Variants in PIEZO1 observed in about 807,000 individuals in gnomAD.
PIEZO1 encodes the protein piezo-type mechanosensitive ion channel component 1.
A neutral mutation model predicts 297.2 loss-of-function variants in PIEZO1; 296 were observed. The observed-to-expected ratio is 1.00, with a 90% CI of 0.91 to 1.10. PIEZO1 has a LOEUF of 1.10. PIEZO1 is among the 50% of genes least tolerant of loss of function. The probability of loss-of-function intolerance (pLI) is 0.00; values close to 1 mark genes in which losing one functional copy is unlikely to be tolerated. For synonymous variants in PIEZO1, 2,427 were observed against 1,507.5 expected, an observed-to-expected ratio of 1.61 and a Z score of -14.13; for missense variants, 5,018 against 3,455.5, an observed-to-expected ratio of 1.45 and a Z score of -11.34.
At chr16:88,742,163 G>T in intron 3 of PIEZO1, 68 bp from the exon 4 acceptor site, 1 of 1,525,338 alleles carries the variant, frequency 6.6e-7, no homozygotes, top group Non-Finnish European at 8.8e-7. Context: ...GGTCATCCCT[G>T]GAGCGTTTCA....
chr16:88,779,455 G>A (rs565314170), intron 1 of PIEZO1, among the ~76,000 whole-genome samples: 4 of 152,266 alleles, frequency 2.6e-5, no homozygotes, highest in East Asian at 1.9e-4. Context: ...ATGACCGTGC[G>A]GGGCCCCCAA....
chr16:88,738,672 G>A lies in PIEZO1; in HGVS notation c.530C>T (p.Ala177Val), dbSNP rs998013737. 6 of 1,535,404 alleles carry A rather than the reference G, an allele frequency of 3.9e-6. No individual in the cohort carries two copies. The highest frequency in any genetic ancestry group is 3.5e-6 in the Non-Finnish European group (4 of 1,146,494). The change falls in exon 6 of 51, where the codon GCC becomes GTC. Residue 177 changes from alanine (A) to valine (V), a missense_variant. Ala to Val is a moderately conservative substitution (Grantham distance 64, BLOSUM62 0). Coordinates refer to ENST00000301015, the MANE Select transcript of PIEZO1 (RefSeq NM_001142864.4). Reference protein sequence around the residue: ...TAGLQEAATLAPTRRSRLAAR... With the variant: ...TAGLQEAATLVPTRRSRLAAR... ...GGCCAGCCGTGACCTCCGTGTAGGG[G>A]CCAGCGTTGCTGCTTCCTGCAGCCC...
chr16:88,721,227 G>T lies in PIEZO1; in HGVS notation c.5607C>A (p.Ile1869=). The T allele has an allele frequency of 6.5e-7, 1 of 1,539,198 alleles. No homozygotes were observed. ...VELRPRDTRR[I]SLRFRRRKKE... is the part of the protein sequence containing the mutation. ...TCTTCCTTCTTCTAAAACGTAGACT[G>T]ATGCGCCTCGTATCACGGGGCCTGA... Residue 1869 remains isoleucine (I), a synonymous_variant, in exon 39 of 51, where the codon ATC becomes ATA. Coordinates refer to ENST00000301015, the MANE Select transcript of PIEZO1 (RefSeq NM_001142864.4).
At chr16:88,725,365 A>G in intron 29 of PIEZO1, 51 bp downstream of exon 29, 10 of 1,115,776 alleles carry the variant, frequency 9.0e-6, no homozygotes, top group Non-Finnish European at 1.2e-5. Flanking sequence ...GCCAGCAGGC[A>G]CAGACATGCT....
chr16:88,749,067 C>G (rs1264858869), intron 2 of PIEZO1, among the ~76,000 whole-genome samples: 3 of 151,502 alleles, frequency 2.0e-5, no homozygotes, highest in Non-Finnish European at 4.4e-5. Flanking sequence ...GAAACCCCGT[C>G]TCTACTAAAA....
intron 22 of PIEZO1, among the ~76,000 whole-genome samples, chr16:88,729,426 T>C (rs865989276): frequency 6.2e-3 from 694 of 112,022 alleles, no homozygotes; most frequent in African/African-American, 0.02. Context: ...CCCTCGATGT[T>C]GGGGAACCCA....
In PIEZO1 at chr16:88,726,565, C is replaced by T. The variant is rs776788949; in HGVS notation, c.3778G>A (p.Val1260Ile). 282 of 1,549,860 alleles carry T rather than the reference C, an allele frequency of 1.8e-4. 1 individual carries two copies. Among genetic ancestry groups the T allele is most frequent in the African/African-American group, 3.0e-4 (22 of 73,008 alleles). The change falls in exon 26 of 51, where the codon GTC becomes ATC. Residue 1260 changes from valine to isoleucine, a missense_variant. Val to Ile is a conservative substitution (Grantham distance 29, BLOSUM62 3). Coordinates refer to ENST00000301015, the MANE Select transcript of PIEZO1 (RefSeq NM_001142864.4). The part of the protein sequence containing the change: ...VIQLFSLVCT[V>I]KGYYDPKEMM... ...CACTCACGGTCATAGTAGCCCTTGA[C>T]GGTGCATACAAGGCTGAAGAGCTGG...
Position 88,749,393 on chromosome 16 carries a change from C to G in PIEZO1, c.151G>C (p.Gly51Arg). ...LPWFPGPTRC[G>R]LQGHTGRLLR... ...GGTCCCCTGGCCTTACCTTGGAGGC[C>G]GCATCGGGTGGGGCCGGGGAACCAG... The change falls in exon 2 of 51, where the codon GGC (glycine) becomes CGC (arginine). Residue 51 changes from glycine (G) to arginine (R), a missense_variant. Physicochemically the swap from Gly to Arg is moderately radical, Grantham distance 125 (BLOSUM62 -2). Transcript: ENST00000301015. 6.6e-7 allele frequency: 1 copy of G among 1,507,300 alleles called. No homozygotes were observed. Among genetic ancestry groups the G allele is most frequent in the Non-Finnish European group, 8.8e-7 (1 of 1,135,374 alleles). 93.4% of individuals were successfully genotyped at this position (1,507,300 alleles called of 1,614,324 possible).
intron 1 of PIEZO1, among the ~76,000 whole-genome samples, chr16:88,778,042 C>T (rs759385911): frequency 1.3e-5 from 2 of 152,216 alleles, no homozygotes; most frequent in Admixed American, 6.5e-5. Flanking sequence ...CTGTTTAAGT[C>T]ACAGTTGAGT....
intron 1 of PIEZO1, among the ~76,000 whole-genome samples, chr16:88,775,704 G>T (rs1427487657): frequency 6.7e-6 from 1 of 149,750 alleles, no homozygotes; most frequent in Non-Finnish European, 1.5e-5. Context: ...ACTACAGCCT[G>T]GGTGGCAGAA....
At chr16:88,742,691 G>T (rs1245808484) in intron 2 of PIEZO1, 4 of 482,596 alleles carry the variant, frequency 8.3e-6, no homozygotes, top group Middle Eastern at 5.5e-4. Flanking sequence ...GGCCTCCCAG[G>T]CTCAGAGGAA....
At chr16:88,743,424 C>G in intron 2 of PIEZO1, 1 of 437,454 alleles carries the variant, frequency 2.3e-6, no homozygotes, top group Non-Finnish European at 4.7e-6. Flanking sequence ...CCACCAGCCA[C>G]GCCCGGCCAC....
In PIEZO1 at chr16:88,722,376, T is replaced by G; in HGVS notation, c.4797A>C (p.Pro1599=). 1 of 1,516,328 alleles carries G rather than the reference T, an allele frequency of 6.6e-7. No individual in the cohort carries two copies. Among genetic ancestry groups the G allele is most frequent in the Non-Finnish European group, 8.9e-7 (1 of 1,128,652 alleles). 93.9% of individuals were successfully genotyped at this position (1,516,328 alleles called of 1,614,324 possible). A position where few individuals can be genotyped will look rare whatever the true frequency, so the allele number is the denominator to read the frequency against. ...CCATGTCGTCTGTCATGCTGCTGAGTGGCTCCTCCGCGCCCAGCCCACTGG... is the reference window on the plus strand; with the variant it reads ...CCATGTCGTCTGTCATGCTGCTGAGGGGCTCCTCCGCGCCCAGCCCACTGG... ...TVSSGLGAEE[P]LSSMTDDMGS... is the part of the protein sequence containing the mutation. Residue 1599 remains proline, a synonymous_variant, in exon 36 of 51, where the codon CCA becomes CCC. Coordinates refer to ENST00000301015, the MANE Select transcript of PIEZO1 (RefSeq NM_001142864.4).
Position 88,719,607 on chromosome 16 carries a change from G to C in PIEZO1, c.6438C>G (p.Ile2146Met). 18 of 1,551,758 alleles carry C rather than the reference G, an allele frequency of 1.2e-5. No individual in the cohort carries two copies. Among genetic ancestry groups the C allele is most frequent in the Non-Finnish European group, 1.5e-5 (17 of 1,147,548 alleles). The change falls in exon 44 of 51, where the codon ATC becomes ATG. Residue 2146 changes from isoleucine (I) to methionine (M), a missense_variant. Physicochemically the swap from Ile to Met is conservative, Grantham distance 10 (BLOSUM62 1). Transcript: ENST00000301015. ...WMCVEDIYANIFIIKCSRETE... is the reference protein window; with the variant it reads ...WMCVEDIYANMFIIKCSRETE... ...TCTCTCGGCTGCATTTGATGATGAA[G>C]ATGTTGGCATAGATGTCCTCCACAC...
At chr16:88,724,907 G>C (rs1904322543) in intron 30 of PIEZO1, 102 bp downstream of exon 30, 1 of 750,438 alleles carries the variant, frequency 1.3e-6, no homozygotes, top group Non-Finnish European at 2.0e-6. Context: ...CTCAGGGCCT[G>C]GGAGTCGGGG....
chr16:88,724,473 G>A (rs1904312321), intron 30 of PIEZO1, among the ~76,000 whole-genome samples: 1 of 151,286 alleles, frequency 6.6e-6, no homozygotes, highest in African/African-American at 2.4e-5. Flanking sequence ...GGGGGTTGTA[G>A]TGAGCCGCAA....
chr16:88,755,301 G>A (rs1358659797), intron 1 of PIEZO1, among the ~76,000 whole-genome samples: 1 of 152,222 alleles, frequency 6.6e-6, no homozygotes, highest in Non-Finnish European at 1.5e-5. Context: ...CCCGGGTCTC[G>A]GAATGCCTCC....
At chr16:88,766,806 G>T (rs1237058623) in intron 1 of PIEZO1, among the ~76,000 whole-genome samples, 1 of 152,238 alleles carries the variant, frequency 6.6e-6, no homozygotes, top group African/African-American at 2.4e-5. Context: ...CCCGGCCCCA[G>T]CTGCTCTCAG....
chr16:88,738,462 G>A (rs563691847), intron 6 of PIEZO1, 22 bp from the exon 7 acceptor site: 6 of 1,533,430 alleles, frequency 3.9e-6, no homozygotes, highest in African/African-American at 1.4e-5. Context: ...GGGCACACAG[G>A]GTGGTACCTG....
Sources: gnomAD v4.1 joint callset for allele counts (sites outside exome capture counted in the v4.1 genomes callset) on GRCh38, gnomAD v4.1.1 for gene constraint, MANE v1.5 for transcripts, NCBI Gene and HGNC (gene_info 2026-07-23, HGNC 2026-07-21) for gene names.